PCCB: variants seen among roughly 807,000 people sequenced by gnomAD.
PCCB encodes the protein propionyl-CoA carboxylase subunit beta, also known as propionyl-CoA carboxylase beta chain, mitochondrial.
Under a neutral mutation model 60.7 loss-of-function variants are expected in PCCB, and 43 were observed. The observed-to-expected ratio is 0.71, with a 90% CI of 0.55 to 0.91. PCCB has a LOEUF of 0.91. PCCB is among the 40% of genes least tolerant of loss of function. The pLI, the probability that PCCB is intolerant of heterozygous loss-of-function variation, is 0.00. For missense variants in PCCB, 766 were observed against 702.8 expected, an observed-to-expected ratio of 1.09 and a Z score of -1.02; for synonymous variants, 276 against 255.9, an observed-to-expected ratio of 1.08 and a Z score of -0.75.
At chr3:136,326,698 C>A (rs932176468) in intron 10 of PCCB, 105 bp from the exon 11 acceptor site, 1 of 818,810 alleles carries the variant, frequency 1.2e-6, no homozygotes, top group South Asian at 1.3e-5. Context: ...AGTGTTGGTG[C>A]CTCCACAGAA....
chr3:136,256,461 GTTTTGT>G (rs1255303314), intron 2 of PCCB, 88 bp from the exon 3 acceptor site: 1 of 899,188 alleles, frequency 1.1e-6, no homozygotes, highest in Non-Finnish European at 1.9e-6. Context: ...AGGAATTTGG[GTTTTGT>G]TTTTGTCTTT....
chr3:136,327,746 G>C lies in PCCB; in HGVS notation c.1398+14G>C. On this transcript the variant is annotated intron_variant, in intron 13 of 14. Coordinates refer to ENST00000251654, the MANE Select transcript of PCCB (RefSeq NM_000532.5). ...ATGGGAGCAAAGGTGAGGGCCTCTT[G>C]CTTTTCCCTTTCTGGGTCCAAGGAC... is the stretch of plus-strand genomic sequence containing the variant. The C allele has an allele frequency of 6.2e-7, 1 of 1,600,136 alleles. No individual in the cohort carries two copies. The highest frequency in any genetic ancestry group is 8.6e-7 in the Non-Finnish European group (1 of 1,167,968).
rs1303129574 is a variant in PCCB, at chr3:136,283,907, T to C, written c.614T>C (p.Val205Ala). The change falls in exon 6 of 15, where the codon GTC becomes GCC. Residue 205 changes from valine to alanine, a missense_variant. Val to Ala is a moderately conservative substitution (Grantham distance 64). Transcript: ENST00000251654. ...ATGGGCCCATGTGCTGGTGGGGCCG[T>C]CTACTCCCCAGCCCTAACAGACTTC... Reference protein sequence around the residue: ...LIMGPCAGGAVYSPALTDFTF... With the variant: ...LIMGPCAGGAAYSPALTDFTF... 1 of 1,613,250 alleles carries C rather than the reference T, an allele frequency of 6.2e-7. No individual in the cohort carries two copies. Among genetic ancestry groups the C allele is most frequent in the Non-Finnish European group, 8.5e-7 (1 of 1,179,416 alleles).
intron 10 of PCCB, among the ~76,000 whole-genome samples, chr3:136,322,463 G>C (rs1935143044): frequency 6.6e-6 from 1 of 152,180 alleles, no homozygotes; most frequent in Non-Finnish European, 1.5e-5. Context: ...AGTGATGCTG[G>C]ACTCATAGAA....
intron 13 of PCCB, 41 bp from the exon 14 acceptor site, chr3:136,328,717 T>C (rs1329929262): frequency 6.7e-7 from 1 of 1,502,620 alleles, no homozygotes; most frequent in Admixed American, 1.7e-5. Flanking sequence ...TCTGTCCAGG[T>C]TGGGACGACC....
At chr3:136,318,781 T>C (rs1358008441) in intron 10 of PCCB, among the ~76,000 whole-genome samples, 2 of 152,388 alleles carry the variant, frequency 1.3e-5, no homozygotes, top group East Asian at 3.9e-4. Context: ...TTATGTTGCA[T>C]GTATATACCA....
chr3:136,320,798 C>T (rs61160497), intron 10 of PCCB, among the ~76,000 whole-genome samples: 13,301 of 152,120 alleles, frequency 0.087, 1,901 homozygotes, highest in African/African-American at 0.3. Flanking sequence ...TTCTTCCTTT[C>T]CAATTTGGAT....
intron 5 of PCCB, among the ~76,000 whole-genome samples, chr3:136,281,428 T>A (rs544249289): frequency 6.6e-6 from 1 of 152,016 alleles, no homozygotes; most frequent in African/African-American, 2.4e-5. Flanking sequence ...TTTCAGTTAT[T>A]GTCAACTCCA....
chr3:136,252,268 A>AT (rs761959795), intron 1 of PCCB: 10 of 454,132 alleles, frequency 2.2e-5, no homozygotes, highest in South Asian at 9.3e-5. Context: ...AAGTTTATTT[A>AT]TTTTTTTTGA....
At chr3:136,323,803 A>C (rs2108234062) in intron 10 of PCCB, among the ~76,000 whole-genome samples, 1 of 138,416 alleles carries the variant, frequency 7.2e-6, no homozygotes, top group African/African-American at 2.8e-5. Context: ...AAAACAAAAC[A>C]TCTCAAAAAA....
At chr3:136,280,667 A>G (rs1942451779) in intron 5 of PCCB, among the ~76,000 whole-genome samples, 1 of 152,036 alleles carries the variant, frequency 6.6e-6, no homozygotes, top group South Asian at 2.1e-4. Flanking sequence ...TTTTGTTTTT[A>G]TTTTTATTTT....
intron 5 of PCCB, among the ~76,000 whole-genome samples, chr3:136,262,577 T>C (rs1941856065): frequency 6.6e-6 from 1 of 152,114 alleles, no homozygotes; most frequent in Non-Finnish European, 1.5e-5. Flanking sequence ...CAGACTGAAA[T>C]TATGAGAGAA....
At chr3:136,284,993 TG>T (rs1487876041) in intron 6 of PCCB, among the ~76,000 whole-genome samples, 1 of 145,240 alleles carries the variant, frequency 6.9e-6, no homozygotes, top group Non-Finnish European at 1.5e-5. Flanking sequence ...GAGGCTGAGG[TG>T]GGAGGATCAC....
Position 136,250,353 on chromosome 3 carries a change from G to A in PCCB, c.-23G>A, listed in dbSNP as rs750005289. The A allele has an allele frequency of 2.7e-6, 4 of 1,493,022 alleles. No homozygotes were observed. Among genetic ancestry groups the A allele is most frequent in the Middle Eastern group, 2.0e-4 (1 of 5,048 alleles). 92.5% of individuals were successfully genotyped at this position (1,493,022 alleles called of 1,614,324 possible). A position where few individuals can be genotyped will look rare whatever the true frequency, so the allele number is the denominator to read the frequency against. On this transcript the variant is annotated 5_prime_UTR_variant, in exon 1 of 15. Coordinates refer to ENST00000251654, the MANE Select transcript of PCCB (RefSeq NM_000532.5). ...ACATGCGTACTCAGGTGCGCCGGTA[G>A]GGGACGCGCCGGCACAGCAAAAATG...
chr3:136,260,754 A>G (rs901230707), intron 4 of PCCB, among the ~76,000 whole-genome samples: 1 of 152,202 alleles, frequency 6.6e-6, no homozygotes, highest in African/African-American at 2.4e-5. Context: ...CATGCCTAAA[A>G]TAAAATTTGT....
rs367912223 is a variant in PCCB, at chr3:136,311,740, C to G, written c.967-5201C>G. 1.4e-4 allele frequency among the ~76,000 whole-genome samples: 21 copies of G among 152,174 alleles called. No homozygotes were observed. The East Asian group carries it at 3.9e-3, about 28-fold the overall frequency. ...TTTAGGAAGCTGAGGAGGGAAGATC[C>G]TTTGAGCCCAGGAGTTTGAGACCAT... On this transcript the variant is annotated intron_variant, in intron 9 of 14. Coordinates refer to ENST00000251654, the MANE Select transcript of PCCB (RefSeq NM_000532.5).
chr3:136,309,542 A>G (rs975028820), intron 9 of PCCB, among the ~76,000 whole-genome samples: 7 of 151,656 alleles, frequency 4.6e-5, no homozygotes, highest in African/African-American at 1.7e-4. Flanking sequence ...GCTCATGCCT[A>G]TAATCCCAGC....
rs773799305 is a variant in PCCB, at chr3:136,283,890, A to C, written c.597A>C (p.Pro199=). The C allele has an allele frequency of 5.6e-6, 9 of 1,613,930 alleles. No individual in the cohort carries two copies. The highest frequency in any genetic ancestry group is 7.6e-6 in the Non-Finnish European group (9 of 1,179,876). The change falls in exon 6 of 15, where the codon CCA becomes CCC. Residue 199 remains proline (P), a synonymous_variant. Transcript: ENST00000251654. ...CTCAGATTTCTCTGATCATGGGCCC[A>C]TGTGCTGGTGGGGCCGTCTACTCCC... ...VIPQISLIMG[P]CAGGAVYSPA... is the part of the protein sequence containing the mutation.
At chr3:136,301,863 T>C (rs1934297874) in intron 9 of PCCB, among the ~76,000 whole-genome samples, 2 of 152,332 alleles carry the variant, frequency 1.3e-5, no homozygotes, top group South Asian at 4.1e-4. Flanking sequence ...TTTCTGAGCC[T>C]TTGCAGGGGC....
Sources: allele counts gnomAD v4.1 joint callset (sites outside exome capture counted in the v4.1 genomes callset), GRCh38; gene constraint gnomAD v4.1.1; transcripts MANE v1.5; gene names NCBI Gene and HGNC (gene_info 2026-07-23, HGNC 2026-07-21).